SATB2: variants seen among roughly 807,000 people sequenced by gnomAD.
SATB2 encodes SATB homeobox 2.
A neutral mutation model predicts 73.4 loss-of-function variants in SATB2; 1 was observed. The observed-to-expected ratio is 0.01, with a 90% CI of 0.00 to 0.06. The LOEUF is 0.06. SATB2 is among the 10% of genes least tolerant of loss of function. The probability of loss-of-function intolerance (pLI) is 1.00; values close to 1 mark genes in which losing one functional copy is unlikely to be tolerated. For missense variants in SATB2, 459 were observed against 945.8 expected, an observed-to-expected ratio of 0.49 and a Z score of 6.75; for synonymous variants, 397 against 367.0, an observed-to-expected ratio of 1.08 and a Z score of -0.93.
At chr2:199,359,506 T>TC (rs1429106612) in intron 6 of SATB2, among the ~76,000 whole-genome samples, 2 of 152,170 alleles carry the variant, frequency 1.3e-5, no homozygotes, top group Admixed American at 6.5e-5. Context: ...TTCTTTTTTT[T>TC]CTCTCAATTG....
chr2:199,407,283 T>A (rs1690660317), intron 3 of SATB2, among the ~76,000 whole-genome samples: 1 of 109,388 alleles, frequency 9.1e-6, no homozygotes, highest in Admixed American at 1.1e-4. Flanking sequence ...AAGACTCTTG[T>A]CTCCCAAAAA....
chr2:199,314,940 A>G (rs1284609950), intron 9 of SATB2, among the ~76,000 whole-genome samples: 1 of 152,056 alleles, frequency 6.6e-6, no homozygotes, highest in Non-Finnish European at 1.5e-5. Flanking sequence ...AGGCTATCAT[A>G]AAGTCAAGAG....
chr2:199,296,701 A>T (rs1297954150), intron 10 of SATB2, among the ~76,000 whole-genome samples: 1 of 145,000 alleles, frequency 6.9e-6, no homozygotes, highest in Non-Finnish European at 1.5e-5. Context: ...CCCTGTCTCA[A>T]ACAAACTAAC....
At chr2:199,327,205 C>T (rs1688053428) in intron 8 of SATB2, among the ~76,000 whole-genome samples, 1 of 152,048 alleles carries the variant, frequency 6.6e-6, no homozygotes, top group Admixed American at 6.6e-5. Flanking sequence ...TTTGCAAGGC[C>T]GAGGTGGGCA....
chr2:199,407,168 A>G (rs1471132664), intron 3 of SATB2, among the ~76,000 whole-genome samples: 1 of 151,664 alleles, frequency 6.6e-6, no homozygotes, highest in East Asian at 1.9e-4. Flanking sequence ...CAAAAATACA[A>G]AAAAATTATC....
At chr2:199,398,032 TAAAG>T (rs1410472213) in intron 3 of SATB2, among the ~76,000 whole-genome samples, 2 of 152,074 alleles carry the variant, frequency 1.3e-5, no homozygotes, top group Non-Finnish European at 2.9e-5. Flanking sequence ...CAACAAGAAA[TAAAG>T]AGTGACTAGT....
intron 5 of SATB2, 57 bp downstream of exon 5, chr2:199,380,307 T>C (rs1204523840): frequency 1.2e-5 from 19 of 1,608,618 alleles, no homozygotes; most frequent in Admixed American, 1.7e-5. Context: ...AACCCCCTGA[T>C]AGAGAGTCTA....
intron 10 of SATB2, among the ~76,000 whole-genome samples, chr2:199,306,591 G>GGGA (rs1687439899): frequency 2.0e-5 from 3 of 152,146 alleles, no homozygotes; most frequent in Admixed American, 2.0e-4. Flanking sequence ...TTCATGCTTA[G>GGGA]CCATTAAATA....
In SATB2 at chr2:199,464,735, G is replaced by A. The variant is rs1170064882; in HGVS notation, c.-141+101C>T. On this transcript the variant is annotated intron_variant, in intron 1 of 11. Transcript: ENST00000260926. The surrounding 1 kb of genome is among the most constrained non-coding windows in gnomAD (Gnocchi z 6.6). Reference sequence around the variant, plus strand: ...CGCCTACTCCCTTATTATTGGCTGGGACCTGTTCCTTTCCAAAGTGTGATG... The same window carrying A: ...CGCCTACTCCCTTATTATTGGCTGGAACCTGTTCCTTTCCAAAGTGTGATG... 1.3e-5 allele frequency: 2 copies of A among 152,272 alleles called. No homozygotes were observed. The highest frequency in any genetic ancestry group is 2.4e-5 in the African/African-American group (1 of 41,460). The allele number at this position is 152,272 out of a possible 1,614,324, so 9.4% of individuals were successfully genotyped here. A position where few individuals can be genotyped will look rare whatever the true frequency, so the allele number is the denominator to read the frequency against.
Position 199,450,495 on chromosome 2 carries a change from T to C in SATB2, c.169+5374A>G, listed in dbSNP as rs76542716. 6.6e-4 allele frequency among the ~76,000 whole-genome samples: 100 copies of C among 152,210 alleles called. No individual in the cohort carries two copies. In the East Asian group the frequency reaches 0.018, roughly 27 times the overall value. Reference sequence around the variant, plus strand: ...ATTCTTTATTAATTTACATGCTATATAGGATAAAGTTTGGCTTTCTGAAAT... The same window carrying C: ...ATTCTTTATTAATTTACATGCTATACAGGATAAAGTTTGGCTTTCTGAAAT... On this transcript the variant is annotated intron_variant, in intron 2 of 10. Coordinates refer to ENST00000417098, the MANE Select transcript of SATB2 (RefSeq NM_001172509.2).
At position 199,373,553 on chromosome 2, in the gene SATB2, A is replaced by T. The variant is rs77699765; in HGVS notation, c.598-4846T>A. Among the ~76,000 whole-genome samples, 114 of 152,088 alleles carry T rather than the reference A, an allele frequency of 7.5e-4. No homozygotes were observed. In the East Asian group the frequency reaches 0.021, roughly 27 times the overall value. On this transcript the variant is annotated intron_variant, in intron 5 of 10. Coordinates refer to ENST00000417098, the MANE Select transcript of SATB2 (RefSeq NM_001172509.2). ...AGCTCTTCCCCTAAGCTGTTGCTGA[A>T]TGGCTTGCTTCTCTAATGTCAGCAC...
At chr2:199,430,077 T>C (rs78540403) in intron 3 of SATB2, among the ~76,000 whole-genome samples, 4,450 of 152,196 alleles carry the variant, frequency 0.029, 241 homozygotes, top group African/African-American at 0.1. Context: ...CCATTCACAC[T>C]GCCAATATGA....
chr2:199,461,859 C>T (rs1479158037), upstream of SATB2, among the ~76,000 whole-genome samples: 1 of 152,234 alleles, frequency 6.6e-6, no homozygotes, highest in African/African-American at 2.4e-5. Flanking sequence ...ATGGCCTGCA[C>T]TCTAATGACG....
intron 3 of SATB2, among the ~76,000 whole-genome samples, chr2:199,402,157 C>T (rs189928346): frequency 2.8e-4 from 42 of 152,120 alleles, no homozygotes; most frequent in African/African-American, 8.7e-4. Flanking sequence ...GAGGCCGAGG[C>T]GGGTGGATCA....
intron 2 of SATB2, among the ~76,000 whole-genome samples, chr2:199,447,266 C>T (rs1029603858): frequency 5.3e-5 from 8 of 152,104 alleles, no homozygotes; most frequent in African/African-American, 1.9e-4. Flanking sequence ...AGAGTCTCAG[C>T]AATGTTAAGG....
At position 199,426,554 on chromosome 2, in the gene SATB2, C is replaced by T. The variant is rs564615294; in HGVS notation, c.346+6784G>A. On this transcript the variant is annotated intron_variant, in intron 3 of 10. Transcript: ENST00000417098. ...TCAGGTGCTCCACCCGCCTTGGCCT[C>T]CCAAAGTGCTGGGATTACAAGTGTC... Among the ~76,000 whole-genome samples the T allele has an allele frequency of 9.9e-5, 15 of 152,068 alleles. No homozygotes were observed. The South Asian group carries it at 2.7e-3, about 27-fold the overall frequency.
intron 2 of SATB2, among the ~76,000 whole-genome samples, chr2:199,452,151 AAGATTT>A (rs1692143218): frequency 6.6e-6 from 1 of 152,130 alleles, no homozygotes. Flanking sequence ...AAATATCAAA[AAGATTT>A]CTGATGTTTA....
chr2:199,420,026 T>C (rs1302825455), intron 3 of SATB2, among the ~76,000 whole-genome samples: 1 of 152,188 alleles, frequency 6.6e-6, no homozygotes, highest in Non-Finnish European at 1.5e-5. Flanking sequence ...ACTATTACAA[T>C]AATGTCTTAA....
intron 3 of SATB2, among the ~76,000 whole-genome samples, chr2:199,417,145 T>C (rs1691017567): frequency 6.6e-6 from 1 of 151,196 alleles, no homozygotes; most frequent in African/African-American, 2.4e-5. Context: ...CATATAAATA[T>C]CACCATTTAC....
Sources: allele counts gnomAD v4.1 joint callset (sites outside exome capture counted in the v4.1 genomes callset), GRCh38; gene constraint gnomAD v4.1.1; non-coding constraint Gnocchi (gnomAD v3.1); transcripts MANE v1.5; gene names NCBI Gene and HGNC (gene_info 2026-07-23, HGNC 2026-07-21).